Variants in STRADA observed in about 807,000 individuals in gnomAD.
STRADA encodes STE20 related adaptor alpha.
A neutral mutation model predicts 55.0 loss-of-function variants in STRADA; 26 were observed. The observed-to-expected ratio is 0.47, with a 90% confidence interval of 0.35 to 0.66. The LOEUF is 0.66. Ranked by LOEUF, STRADA falls within the 30% of genes least tolerant of loss-of-function variation. The probability of loss-of-function intolerance (pLI) is 0.01; values close to 1 mark genes in which losing one functional copy is unlikely to be tolerated. For synonymous variants in STRADA, 197 were observed against 210.9 expected, an observed-to-expected ratio of 0.93 and a Z score of 0.57; for missense variants, 443 against 549.7, an observed-to-expected ratio of 0.81 and a Z score of 1.94.
In STRADA at chr17:63,739,805, G is replaced by A. The variant is rs548892022; in HGVS notation, c.-45+1936C>T. 2.9e-4 allele frequency among the ~76,000 whole-genome samples: 9 copies of A among 30,990 alleles called. No individual in the cohort carries two copies. The East Asian group carries it at 5.5e-3, about 19-fold the overall frequency. The allele number at this position is 30,990 out of a possible 152,430, so 20.3% of individuals were successfully genotyped here. On this transcript the variant is annotated intron_variant, in intron 1 of 12. Transcript: ENST00000336174. ...ATACATATAATGTACATAATTATAT[G>A]TATATACATATAATGTACATAATTA...
chr17:63,707,580 G>C, intron 8 of STRADA, 162 bp from the exon 9 acceptor site: 1 of 675,834 alleles, frequency 1.5e-6, no homozygotes, highest in Admixed American at 2.8e-5. Flanking sequence ...TTTTCATTGA[G>C]ATAAGAGTCT....
chr17:63,733,296 T>C (rs1362604331), intron 1 of STRADA, among the ~76,000 whole-genome samples: 1 of 152,206 alleles, frequency 6.6e-6, no homozygotes, highest in Non-Finnish European at 1.5e-5. Flanking sequence ...TTAAGACATA[T>C]GGGTCATATA....
chr17:63,710,833 C>T lies in STRADA; in HGVS notation c.352G>A (p.Glu118Lys), dbSNP rs755408458. 7 of 1,613,968 alleles carry T rather than the reference C, an allele frequency of 4.3e-6. No individual in the cohort carries two copies. The Admixed American group carries it at 5.0e-5, about 12-fold the overall frequency. ...SNEMVTFLQGELHVSKLFNHP... is the reference protein window; with the variant it reads ...SNEMVTFLQGKLHVSKLFNHP... ...TTGAAGAGTTTGGAGACATGCAGCT[C>T]GCCCTGGAAGCAATGATGAAGCTGA... Residue 118 changes from glutamate to lysine, a missense_variant, in exon 7 of 13, where the codon GAG becomes AAG. By Grantham distance (56) the Glu-to-Lys change is moderately conservative. Transcript: ENST00000336174.
intron 4 of STRADA, among the ~76,000 whole-genome samples, chr17:63,722,469 G>A (rs2037379325): frequency 6.6e-6 from 1 of 152,184 alleles, no homozygotes; most frequent in African/African-American, 2.4e-5. Flanking sequence ...TATAGGGAAC[G>A]TTTTTGGTCT....
At chr17:63,721,100 G>A (rs1198862071) in intron 4 of STRADA, among the ~76,000 whole-genome samples, 4 of 134,628 alleles carry the variant, frequency 3.0e-5, no homozygotes, top group African/African-American at 5.6e-5. Flanking sequence ...CCGGCTGGGC[G>A]TGGTGGCTCA....
intron 1 of STRADA, among the ~76,000 whole-genome samples, chr17:63,730,397 CTT>C (rs551513709): frequency 1.2e-4 from 17 of 139,850 alleles, no homozygotes; most frequent in Non-Finnish European, 1.4e-4. Flanking sequence ...ACTTAGTTGA[CTT>C]TTTTTTTTTT....
intron 2 of STRADA, 100 bp downstream of exon 2, chr17:63,728,234 T>C: frequency 8.8e-7 from 1 of 1,130,294 alleles, no homozygotes; most frequent in Admixed American, 1.9e-5. Flanking sequence ...TTCCGTATCA[T>C]TCCGACCCTC....
intron 8 of STRADA, among the ~76,000 whole-genome samples, chr17:63,708,217 T>C (rs1458408499): frequency 6.6e-6 from 1 of 151,592 alleles, no homozygotes; most frequent in Non-Finnish European, 1.5e-5. Flanking sequence ...TTGTTGTTGT[T>C]GAGACAGAGT....
At chr17:63,714,204 A>T in intron 4 of STRADA, 96 bp from the exon 5 acceptor site, 1 of 822,070 alleles carries the variant, frequency 1.2e-6, no homozygotes, top group Non-Finnish European at 2.0e-6. Context: ...GGAGACTGGC[A>T]TCTAAACACA....
At chr17:63,723,442 T>C in intron 3 of STRADA, 116 bp from the exon 4 acceptor site, 1 of 1,274,370 alleles carries the variant, frequency 7.8e-7, no homozygotes. Context: ...CACTTAAAAG[T>C]CATTACAGCA....
intron 1 of STRADA, among the ~76,000 whole-genome samples, chr17:63,740,153 C>CATATATATATAT (rs1463725651): frequency 4.6e-5 from 4 of 86,290 alleles, no homozygotes; most frequent in South Asian, 1.0e-3. Flanking sequence ...TATATACACA[C>CATATATATATAT]ACACACACAC....
chr17:63,704,072 CGCA>C, intron 11 of STRADA, 25 bp from the exon 12 acceptor site: 1 of 1,609,812 alleles, frequency 6.2e-7, no homozygotes, highest in Non-Finnish European at 8.5e-7. Context: ...GAGGAGAGAC[CGCA>C]GCATCACTGC....
At chr17:63,718,990 T>G (rs1011761921) in intron 4 of STRADA, 2 of 152,256 alleles carry the variant, frequency 1.3e-5, no homozygotes, top group African/African-American at 4.8e-5. Flanking sequence ...GGACCTTGTC[T>G]GTCATGTTCA....
chr17:63,728,830 T>C (rs551803465), intron 1 of STRADA, among the ~76,000 whole-genome samples: 1 of 150,192 alleles, frequency 6.7e-6, no homozygotes, highest in East Asian at 1.9e-4. Context: ...AGATGGAGAT[T>C]GCAGTGAGCC....
chr17:63,705,992 C>T (rs2036063046), intron 10 of STRADA: 1 of 152,240 alleles, frequency 6.6e-6, no homozygotes, highest in Admixed American at 6.5e-5. Context: ...GAGCCTGCAT[C>T]CTGCCCCTCC....
At chr17:63,721,527 A>G (rs2037323102) in intron 4 of STRADA, among the ~76,000 whole-genome samples, 1 of 151,698 alleles carries the variant, frequency 6.6e-6, no homozygotes, top group Non-Finnish European at 1.5e-5. Flanking sequence ...GAGACCAGCC[A>G]ACATAGTGAA....
At chr17:63,704,667 T>G (rs989987023) in intron 10 of STRADA, 85 bp from the exon 11 acceptor site, 10 of 1,511,406 alleles carry the variant, frequency 6.6e-6, no homozygotes, top group Non-Finnish European at 8.8e-6. Flanking sequence ...TCTTCACAAA[T>G]ACACTGTTCC....
rs776377758 is a variant in STRADA at position 63,713,444 on chromosome 17, G to C, written c.310C>G (p.Leu104Val). Residue 104 changes from leucine to valine, a missense_variant, in exon 6 of 13, where the codon CTA becomes GTA. Coordinates refer to ENST00000336174, the MANE Select transcript of STRADA (RefSeq NM_001003787.4). ...ACCATCTCATTGGAACAAGCTTCTAGGTTAATCCTCCGTACAGTCACGTAC... is the reference window on the plus strand; with the variant it reads ...ACCATCTCATTGGAACAAGCTTCTACGTTAATCCTCCGTACAGTCACGTAC... ...GEYVTVRRIN[L>V]EACSNEMVTF... is the part of the protein sequence containing the mutation. The C allele has an allele frequency of 6.2e-7, 1 of 1,614,130 alleles. No homozygotes were observed. Among genetic ancestry groups the C allele is most frequent in the Admixed American group, 1.7e-5 (1 of 60,020 alleles).
At chr17:63,719,925 CTTAG>C (rs1476711416) in intron 4 of STRADA, among the ~76,000 whole-genome samples, 1 of 152,156 alleles carries the variant, frequency 6.6e-6, no homozygotes, top group Non-Finnish European at 1.5e-5. Context: ...TATCAATGTG[CTTAG>C]TTAGTAACTT....
Sources: allele counts gnomAD v4.1 joint callset (sites outside exome capture counted in the v4.1 genomes callset), GRCh38; gene constraint gnomAD v4.1.1; transcripts MANE v1.5; gene names NCBI Gene and HGNC (gene_info 2026-07-23, HGNC 2026-07-21).